ANK2: variants seen among roughly 807,000 people sequenced by gnomAD.
ANK2 encodes the protein ankyrin 2, also known as ankyrin-2.
ANK2 carries 83 observed loss-of-function variants against 360.5 expected under a neutral mutation model. That is an observed-to-expected ratio of 0.23 (90% CI 0.19 to 0.28). The LOEUF is 0.28. Ranked by LOEUF, ANK2 falls within the 10% of genes least tolerant of loss-of-function variation. The pLI is 1.00. For synonymous variants in ANK2, 1,740 were observed against 1,759.5 expected (o/e 0.99, Z 0.28); for missense variants, 4,201 against 4,795.7 (o/e 0.88, Z 3.66).
intron 1 of ANK2, among the ~76,000 whole-genome samples, chr4:112,892,925 G>A (rs976073991): frequency 3.3e-5 from 5 of 152,118 alleles, no homozygotes; most frequent in Admixed American, 6.5e-5. Context: ...GATGCGTAGT[G>A]GGTAAATCTT....
chr4:113,302,727 T>C (rs760194412), intron 22 of ANK2, 40 bp from the exon 23 acceptor site: 9 of 1,523,058 alleles, frequency 5.9e-6, no homozygotes, highest in Non-Finnish European at 8.2e-6. Context: ...TTGTTTACTT[T>C]TGGTTTCAAC....
intron 21 of ANK2, chr4:113,292,954 A>T (rs559470400): frequency 2.8e-6 from 1 of 353,546 alleles, no homozygotes; most frequent in South Asian, 2.3e-5. Flanking sequence ...CCTGGGTTGG[A>T]TGCAGCCCGA....
In ANK2 at chr4:113,355,185, A is replaced by G. The variant is rs916751004; in HGVS notation, c.6567A>G (p.Pro2189=). The G allele has an allele frequency of 1.2e-6, 2 of 1,614,172 alleles. No individual in the cohort carries two copies. Among genetic ancestry groups the G allele is most frequent in the Non-Finnish European group, 1.7e-6 (2 of 1,179,978 alleles). Residue 2189 remains proline, a synonymous_variant, in exon 38 of 46, where the codon CCA becomes CCG. Transcript: ENST00000357077. Reference sequence around the variant, plus strand: ...ACTACATGAAAGATGAGTTCCTTCCAGCTCTGTCTTTACAAAGCGGTGCTT... The same window carrying G: ...ACTACATGAAAGATGAGTTCCTTCCGGCTCTGTCTTTACAAAGCGGTGCTT... ...PLDYMKDEFL[P]ALSLQSGALD...
At chr4:112,841,882 T>G (rs1406840792) in intron 1 of ANK2, among the ~76,000 whole-genome samples, 1 of 152,174 alleles carries the variant, frequency 6.6e-6, no homozygotes, top group East Asian at 1.9e-4. Flanking sequence ...CAAAAACAAA[T>G]TATTTTTATT....
At position 113,198,996 on chromosome 4, in the gene ANK2, G is replaced by A. The variant is rs927207675; in HGVS notation, c.286-15G>A. On this transcript the variant is annotated splice_polypyrimidine_tract_variant and intron_variant, in intron 3 of 45. Coordinates refer to ENST00000357077, the MANE Select transcript of ANK2 (RefSeq NM_001148.6). ...AGAAACCTTGAACATTTTCTATTTT[G>A]TTTCTCCAAAACAGAAGGGAAATAC... 2 of 1,600,198 alleles carry A rather than the reference G, an allele frequency of 1.2e-6. No homozygotes were observed. The highest frequency in any genetic ancestry group is 1.7e-6 in the Non-Finnish European group (2 of 1,167,832).
intron 1 of ANK2, among the ~76,000 whole-genome samples, chr4:112,862,058 C>T (rs1316472348): frequency 6.6e-6 from 1 of 152,190 alleles, no homozygotes; most frequent in Non-Finnish European, 1.5e-5. Flanking sequence ...TCAGTTTCCT[C>T]TTCTACAAAT....
intron 2 of ANK2, among the ~76,000 whole-genome samples, chr4:112,940,105 T>C (rs988991727): frequency 6.6e-5 from 10 of 152,232 alleles, no homozygotes; most frequent in Non-Finnish European, 1.5e-5. Flanking sequence ...ACAGTTTTAC[T>C]AGGTCATAAA....
intron 1 of ANK2, among the ~76,000 whole-genome samples, chr4:113,127,221 G>C (rs892229586): frequency 6.6e-6 from 1 of 151,918 alleles, no homozygotes; most frequent in African/African-American, 2.4e-5. Flanking sequence ...TTCCAAAGTC[G>C]GTTCAGATGT....
intron 1 of ANK2, among the ~76,000 whole-genome samples, chr4:113,143,640 T>A (rs551637888): frequency 4.0e-4 from 61 of 152,274 alleles, no homozygotes; most frequent in African/African-American, 1.4e-3. Context: ...TGGTTGGCAT[T>A]CTTTGTTTTG....
chr4:113,060,648 GATTGGTCA>G (rs535017664), intron 1 of ANK2, among the ~76,000 whole-genome samples: 1 of 140,904 alleles, frequency 7.1e-6, no homozygotes, highest in South Asian at 2.4e-4. Flanking sequence ...TGCCTTCGCT[GATTGGTCA>G]ATTGGTCAAT....
chr4:112,958,133 T>C (rs1220173841), intron 2 of ANK2, among the ~76,000 whole-genome samples: 1 of 149,646 alleles, frequency 6.7e-6, no homozygotes, highest in Non-Finnish European at 1.5e-5. Context: ...GCAGAGGGGC[T>C]CCTCACGTCC....
Position 113,330,286 on chromosome 4 carries a change from A to G in ANK2, c.2941A>G (p.Met981Val). 1 of 1,614,218 alleles carries G rather than the reference A, an allele frequency of 6.2e-7. No homozygotes were observed. Among genetic ancestry groups the G allele is most frequent in the Non-Finnish European group, 8.5e-7 (1 of 1,180,024 alleles). Residue 981 changes from methionine to valine, a missense_variant, in exon 27 of 46, where the codon ATG becomes GTG. Coordinates refer to ENST00000357077, the MANE Select transcript of ANK2 (RefSeq NM_001148.6). ...TATGGTGGATGCCCGAGGTGGTGCT[A>G]TGCGAGGATGCAGACACAATGGGCT... Reference protein sequence around the residue: ...SFMVDARGGAMRGCRHNGLRI... With the variant: ...SFMVDARGGAVRGCRHNGLRI...
At chr4:112,800,329 C>T in the ANK2 span, among the ~76,000 whole-genome samples, 2 of 152,024 alleles carry the variant, frequency 1.3e-5, no homozygotes, top group Admixed American at 6.6e-5. Flanking sequence ...CTAGTTTTGC[C>T]TATATGCATT....
intron 45 of ANK2, chr4:113,377,981 C>T (rs952725724): frequency 9.1e-6 from 3 of 328,064 alleles, no homozygotes; most frequent in African/African-American, 2.2e-5. Context: ...ATTTATTTAT[C>T]GTTTCAAGTA....
In ANK2 at chr4:113,358,510, A is replaced by T; in HGVS notation, c.9892A>T (p.Thr3298Ser). The T allele has an allele frequency of 6.2e-7, 1 of 1,614,056 alleles. No homozygotes were observed. Among genetic ancestry groups the T allele is most frequent in the Non-Finnish European group, 8.5e-7 (1 of 1,179,956 alleles). Reference sequence around the variant, plus strand: ...TGCACCCATGGAGAATGTGCCTTTTACTGAAAGCAAATCCAAAATTCCTGT... The same window carrying T: ...TGCACCCATGGAGAATGTGCCTTTTTCTGAAAGCAAATCCAAAATTCCTGT... ...PTAPMENVPF[T>S]ESKSKIPVRT... Residue 3298 changes from threonine (T) to serine (S), a missense_variant, in exon 38 of 46, where the codon ACT becomes TCT. Transcript: ENST00000357077.
chr4:112,813,162 C>T (rs577014876), upstream of ANK2, among the ~76,000 whole-genome samples: 3 of 150,048 alleles, frequency 2.0e-5, no homozygotes, highest in East Asian at 2.0e-4. Context: ...CGCTTGAACC[C>T]GGGAGGTAGA....
At chr4:112,783,393 T>A in the ANK2 span, among the ~76,000 whole-genome samples, 1 of 152,202 alleles carries the variant, frequency 6.6e-6, no homozygotes, top group Non-Finnish European at 1.5e-5. Flanking sequence ...ACATTGGCAG[T>A]GTCATGTGGT....
chr4:112,903,988 G>A (rs2084342779), intron 1 of ANK2, among the ~76,000 whole-genome samples: 2 of 152,156 alleles, frequency 1.3e-5, no homozygotes, highest in African/African-American at 4.8e-5. Context: ...GTTATAAAAG[G>A]AAGAAGAAGG....
chr4:113,140,270 A>G (rs2096589417), intron 1 of ANK2, among the ~76,000 whole-genome samples: 1 of 151,606 alleles, frequency 6.6e-6, no homozygotes, highest in Non-Finnish European at 1.5e-5. Context: ...TCTGCATGCA[A>G]TAGGGATAAC....
Sources: allele counts gnomAD v4.1 joint callset (sites outside exome capture counted in the v4.1 genomes callset), GRCh38; gene constraint gnomAD v4.1.1; transcripts MANE v1.5; gene names NCBI Gene and HGNC (gene_info 2026-07-23, HGNC 2026-07-21).